Variants in APP observed in about 807,000 individuals in gnomAD.
APP encodes the protein amyloid-beta precursor protein.
A neutral mutation model predicts 101.4 loss-of-function variants in APP; 31 were observed. That is an observed-to-expected ratio of 0.31 (90% CI 0.23 to 0.41). The LOEUF is 0.41. APP is among the 10% of genes least tolerant of loss of function. APP has a pLI of 1.00. For synonymous variants in APP, 366 were observed against 364.4 expected, an observed-to-expected ratio of 1.00 and a Z score of -0.05; for missense variants, 839 against 1,003.7, an observed-to-expected ratio of 0.84 and a Z score of 2.22.
chr21:25,984,516 G>A (rs949051004), intron 8 of APP, among the ~76,000 whole-genome samples: 1 of 152,098 alleles, frequency 6.6e-6, no homozygotes, highest in Non-Finnish European at 1.5e-5. Flanking sequence ...AAAGGTAAAT[G>A]TTTTTCTCCA....
chr21:26,133,271 G>C (rs915613834), intron 1 of APP, among the ~76,000 whole-genome samples: 4 of 152,166 alleles, frequency 2.6e-5, no homozygotes, highest in Non-Finnish European at 4.4e-5. Flanking sequence ...GACAGTTCCT[G>C]AGTAATCGGC....
chr21:25,998,978 T>A (rs982218449), intron 7 of APP, among the ~76,000 whole-genome samples: 1 of 152,182 alleles, frequency 6.6e-6, no homozygotes, highest in Non-Finnish European at 1.5e-5. Context: ...AAGCTTAATG[T>A]TCAAGAGAAA....
intron 1 of APP, among the ~76,000 whole-genome samples, chr21:26,131,958 T>C (rs1940328732): frequency 6.6e-6 from 1 of 151,796 alleles, no homozygotes; most frequent in Non-Finnish European, 1.5e-5. Context: ...AAAACAATAA[T>C]AAACTTACCA....
chr21:26,038,681 T>C (rs913175232), intron 5 of APP, among the ~76,000 whole-genome samples: 1 of 152,116 alleles, frequency 6.6e-6, no homozygotes. Context: ...GGAGAATTGC[T>C]TGAACTCAGG....
chr21:26,124,922 T>A (rs1438296490), intron 1 of APP, among the ~76,000 whole-genome samples: 1 of 152,240 alleles, frequency 6.6e-6, no homozygotes, highest in African/African-American at 2.4e-5. Flanking sequence ...CTGACCTTGA[T>A]GGACAGATAA....
chr21:26,170,580 G>A lies in APP; in HGVS notation c.41C>T (p.Thr14Met). 5.2e-6 allele frequency: 8 copies of A among 1,538,824 alleles called. No individual in the cohort carries two copies. The highest frequency in any genetic ancestry group is 1.4e-5 in the African/African-American group (1 of 73,024). Residue 14 changes from threonine to methionine, a missense_variant, in exon 1 of 18, where the codon ACG becomes ATG. Transcript: ENST00000346798. Reference protein sequence around the residue: ...GLALLLLAAWTARALEVPTDG... With the variant: ...GLALLLLAAWMARALEVPTDG... ...GGCACCCACCTCCAGCGCCCGAGCC[G>A]TCCAGGCGGCCAGCAGGAGCAGTGC...
intron 1 of APP, among the ~76,000 whole-genome samples, chr21:26,138,984 G>A (rs941182392): frequency 1.3e-5 from 2 of 152,058 alleles, no homozygotes; most frequent in African/African-American, 2.4e-5. Context: ...GGCGGGGTGG[G>A]GCGGGGAATT....
chr21:25,991,379 CT>C (rs1023557206), intron 8 of APP, among the ~76,000 whole-genome samples: 15 of 151,810 alleles, frequency 9.9e-5, no homozygotes, highest in East Asian at 1.9e-4. Context: ...TGCTGGCTAC[CT>C]TTTTTTTCCC....
At chr21:26,026,786 A>G (rs1367049011) in intron 5 of APP, among the ~76,000 whole-genome samples, 2 of 152,226 alleles carry the variant, frequency 1.3e-5, no homozygotes, top group Non-Finnish European at 2.9e-5. Context: ...ATGTCATTAG[A>G]CAGTTTTCCA....
intron 11 of APP, among the ~76,000 whole-genome samples, chr21:25,971,468 G>A (rs1187199054): frequency 4.6e-5 from 7 of 152,342 alleles, no homozygotes; most frequent in Admixed American, 3.9e-4. Flanking sequence ...CATGGTTTCA[G>A]GTGGGGAAAC....
At chr21:26,162,320 G>T (rs569738947) in intron 1 of APP, among the ~76,000 whole-genome samples, 1 of 152,264 alleles carries the variant, frequency 6.6e-6, no homozygotes, top group African/African-American at 2.4e-5. Context: ...GACTTGTCCC[G>T]AAAACAAACA....
intron 1 of APP, among the ~76,000 whole-genome samples, chr21:26,137,655 G>T (rs2062950187): frequency 6.6e-6 from 1 of 152,112 alleles, no homozygotes. Context: ...GGTTTTAGGA[G>T]CTACAATCTC....
intron 11 of APP, among the ~76,000 whole-genome samples, chr21:25,971,263 GTCTTGATC>G (rs1281703412): frequency 6.6e-6 from 1 of 152,080 alleles, no homozygotes; most frequent in Non-Finnish European, 1.5e-5. Flanking sequence ...GGCCAGGATG[GTCTTGATC>G]TCTTGACCTC....
intron 3 of APP, among the ~76,000 whole-genome samples, chr21:26,082,230 A>AAAATAAAT (rs138265791): frequency 2.2e-4 from 34 of 151,514 alleles, no homozygotes; most frequent in East Asian, 1.4e-3. Flanking sequence ...AAAAATGAAT[A>AAAATAAAT]AAATAAATAA....
intron 1 of APP, among the ~76,000 whole-genome samples, chr21:26,125,533 G>T (rs1300628228): frequency 6.6e-6 from 1 of 152,136 alleles, no homozygotes; most frequent in African/African-American, 2.4e-5. Flanking sequence ...GTGGAGGTAG[G>T]GAAGATTCTA....
intron 10 of APP, 63 bp downstream of exon 10, chr21:25,975,891 C>T: frequency 7.5e-7 from 1 of 1,329,364 alleles, no homozygotes; most frequent in Non-Finnish European, 1.1e-6. Context: ...GGTAAACCTG[C>T]AGACACTCAT....
intron 1 of APP, among the ~76,000 whole-genome samples, chr21:26,163,334 T>C (rs1239505549): frequency 1.3e-5 from 2 of 151,412 alleles, no homozygotes; most frequent in Non-Finnish European, 2.9e-5. Context: ...GAAAACCTTC[T>C]GACTTTGTGA....
intron 17 of APP, among the ~76,000 whole-genome samples, chr21:25,890,757 G>A (rs1200942320): frequency 2.7e-5 from 4 of 148,394 alleles, no homozygotes; most frequent in African/African-American, 7.5e-5. Flanking sequence ...GGAATATGAG[G>A]GGAAATCTGG....
chr21:25,921,521 C>A (rs1029349623), intron 13 of APP, among the ~76,000 whole-genome samples: 1 of 148,356 alleles, frequency 6.7e-6, no homozygotes, highest in South Asian at 2.1e-4. Context: ...CAAATAGACA[C>A]GATAAAAAAT....
Sources: gnomAD v4.1 joint callset for allele counts (sites outside exome capture counted in the v4.1 genomes callset) on GRCh38, gnomAD v4.1.1 for gene constraint, MANE v1.5 for transcripts, NCBI Gene and HGNC (gene_info 2026-07-23, HGNC 2026-07-21) for gene names.